Variants in PKHD1L1 observed in about 807,000 individuals in gnomAD.
PKHD1L1 encodes PKHD1 like 1.
Under a neutral mutation model 462.9 loss-of-function variants are expected in PKHD1L1, and 434 were observed. The ratio of observed to expected loss-of-function variants is 0.94; its 90% confidence interval spans 0.87 to 1.02. The LOEUF (loss-of-function observed/expected upper bound fraction) is 1.02. Among genes scored for constraint, PKHD1L1 ranks in the 50% least tolerant of loss-of-function variants. The probability of loss-of-function intolerance (pLI) is 0.00; values close to 1 mark genes in which losing one functional copy is unlikely to be tolerated. For missense variants in PKHD1L1, 5,202 were observed against 5,096.1 expected (o/e 1.02, Z -0.63); for synonymous variants, 1,781 against 1,750.0 (o/e 1.02, Z -0.44).
intron 2 of PKHD1L1, among the ~76,000 whole-genome samples, chr8:109,380,936 A>G (rs1285102871): frequency 6.6e-6 from 1 of 152,134 alleles, no homozygotes; most frequent in Non-Finnish European, 1.5e-5. Context: ...CTCCAGATAT[A>G]GAATCTGGTG....
intron 23 of PKHD1L1, among the ~76,000 whole-genome samples, chr8:109,422,495 A>G (rs1305269789): frequency 6.6e-6 from 1 of 152,158 alleles, no homozygotes; most frequent in East Asian, 1.9e-4. Context: ...GCTTTTGTAT[A>G]CTGGCATTTT....
Position 109,518,188 on chromosome 8 carries a change from A to T in PKHD1L1, c.11711A>T (p.Asp3904Val). 2 of 1,595,982 alleles carry T rather than the reference A, an allele frequency of 1.3e-6. No individual in the cohort carries two copies. The highest frequency in any genetic ancestry group is 2.7e-5 in the African/African-American group (2 of 74,518). The change falls in exon 73 of 78, where the codon GAT becomes GTT. Residue 3904 changes from aspartate (D) to valine (V), a missense_variant. Coordinates refer to ENST00000378402, the MANE Select transcript of PKHD1L1 (RefSeq NM_177531.6). Reference protein sequence around the residue: ...LYKDQFLPNLDSTVLGENYFD... With the variant: ...LYKDQFLPNLVSTVLGENYFD... Reference sequence around the variant, plus strand: ...ATAGACCAATTCCTTCCTAACCTGGATTCCACTGTCCTTGGTGAAAACTAC... The same window carrying T: ...ATAGACCAATTCCTTCCTAACCTGGTTTCCACTGTCCTTGGTGAAAACTAC...
intron 46 of PKHD1L1, among the ~76,000 whole-genome samples, chr8:109,459,345 A>G (rs547920520): frequency 6.6e-6 from 1 of 152,176 alleles, no homozygotes; most frequent in South Asian, 2.1e-4. Flanking sequence ...AATACTTTTT[A>G]TAAGCTAATC....
At chr8:109,490,211 C>T (rs1311628658) in intron 60 of PKHD1L1, among the ~76,000 whole-genome samples, 156 bp downstream of exon 60, 2 of 151,642 alleles carry the variant, frequency 1.3e-5, no homozygotes, top group Non-Finnish European at 2.9e-5. Flanking sequence ...CCTATATAAG[C>T]AGGATTTTAT....
intron 8 of PKHD1L1, among the ~76,000 whole-genome samples, chr8:109,389,961 C>T (rs1178626652): frequency 6.6e-6 from 1 of 151,944 alleles, no homozygotes; most frequent in Non-Finnish European, 1.5e-5. Context: ...ATTCTCAAAG[C>T]TCATACTACT....
chr8:109,419,111 G>T lies in PKHD1L1; in HGVS notation c.2375G>T (p.Cys792Phe), dbSNP rs1194741832. 3 of 1,612,830 alleles carry T rather than the reference G, an allele frequency of 1.9e-6. No individual in the cohort carries two copies. Among genetic ancestry groups the T allele is most frequent in the Non-Finnish European group, 2.5e-6 (3 of 1,179,230 alleles). The part of the protein sequence containing the change: ...FAYGNNWTYT[C>F]IDLLDLVRTK... The stretch of plus-strand genomic sequence containing the variant: ...CCGTATTTCAGCTGGACTTACACTT[G>T]CATAGACCTTCTGGATCTCGTAAGA... The change falls in exon 22 of 78, where the codon TGC (cysteine) becomes TTC (phenylalanine). Residue 792 changes from cysteine (C) to phenylalanine (F), a missense_variant. Physicochemically the swap from Cys to Phe is radical, Grantham distance 205 (BLOSUM62 -2). This residue lies in a region of PKHD1L1 where 4,497 missense variants were observed against 4,336.8 expected (regional missense o/e 1.04). Coordinates refer to ENST00000378402, the MANE Select transcript of PKHD1L1 (RefSeq NM_177531.6).
rs1813525197 is a variant in PKHD1L1 at position 109,406,186 on chromosome 8, A to G, written c.1670-149A>G. On this transcript the variant is annotated intron_variant, in intron 16 of 77. Coordinates refer to ENST00000378402, the MANE Select transcript of PKHD1L1 (RefSeq NM_177531.6). ...ATATTACTGAACTTGAATCAGTTTCAAAATACAATTTCTCTAAGTGATAAC... is the reference window on the plus strand; with the variant it reads ...ATATTACTGAACTTGAATCAGTTTCGAAATACAATTTCTCTAAGTGATAAC... 10 of 655,720 alleles carry G rather than the reference A, an allele frequency of 1.5e-5. No homozygotes were observed. In the South Asian group the frequency reaches 3.9e-4, roughly 26 times the overall value. The allele number at this position is 655,720 out of a possible 1,614,324, so 40.6% of individuals were successfully genotyped here.
At chr8:109,524,391 T>C (rs187528921) in intron 76 of PKHD1L1, among the ~76,000 whole-genome samples, 11 of 152,326 alleles carry the variant, frequency 7.2e-5, no homozygotes, top group African/African-American at 2.4e-4. Flanking sequence ...GTCCCACTGC[T>C]TTCTGGTTTA....
intron 72 of PKHD1L1, 42 bp downstream of exon 72, chr8:109,515,347 T>G (rs779546127): frequency 5.3e-6 from 7 of 1,331,322 alleles, no homozygotes; most frequent in Non-Finnish European, 7.0e-6. Context: ...GAAAATGTAC[T>G]TATTTATAAT....
intron 16 of PKHD1L1, 32 bp from the exon 17 acceptor site, chr8:109,406,303 T>TTGTC: frequency 1.3e-6 from 2 of 1,487,480 alleles, no homozygotes; most frequent in Non-Finnish European, 1.8e-6. Context: ...ACTTTTCTGT[T>TTGTC]TGTTTGTTTG....
At chr8:109,407,990 T>G in intron 17 of PKHD1L1, 59 bp from the exon 18 acceptor site, 2 of 1,199,244 alleles carry the variant, frequency 1.7e-6, no homozygotes, top group Admixed American at 6.1e-5. Flanking sequence ...ATATATAGTT[T>G]TATATATAGG....
In PKHD1L1 at chr8:109,502,898, G is replaced by T. The variant is rs186247469; in HGVS notation, c.10829-1429G>T. 9.5e-4 allele frequency among the ~76,000 whole-genome samples: 144 copies of T among 152,142 alleles called. 1 individual carries two copies. Among genetic ancestry groups the T allele is most frequent in the African/African-American group, 3.0e-3 (123 of 41,418 alleles). On this transcript the variant is annotated intron_variant, in intron 67 of 77. Transcript: ENST00000378402. ...TATTTTTCCCACATTGAGGCAAAAG[G>T]TTCTTCCATATCTCTTGTCAGTTAG... is the stretch of plus-strand genomic sequence containing the variant.
intron 30 of PKHD1L1, 59 bp from the exon 31 acceptor site, chr8:109,438,265 C>T: frequency 1.7e-6 from 2 of 1,197,496 alleles, no homozygotes; most frequent in Non-Finnish European, 2.3e-6. Context: ...TTCTTTTCAT[C>T]CCTTGCATTT....
intron 10 of PKHD1L1, 40 bp downstream of exon 10, chr8:109,394,525 G>A (rs1326059565): frequency 5.4e-6 from 7 of 1,293,984 alleles, no homozygotes; most frequent in African/African-American, 4.5e-5. Flanking sequence ...GGGGTGGTGG[G>A]AAGGCAGTGT....
intron 36 of PKHD1L1, 118 bp from the exon 37 acceptor site, chr8:109,443,557 CA>C: frequency 2.4e-6 from 2 of 841,402 alleles, no homozygotes; most frequent in South Asian, 3.7e-5. Flanking sequence ...TTTTGTTTTT[CA>C]AAAAAGATTT....
In PKHD1L1 at chr8:109,452,261, G is replaced by A. The variant is rs1440482958; in HGVS notation, c.6488G>A (p.Gly2163Asp). 4 of 1,605,002 alleles carry A rather than the reference G, an allele frequency of 2.5e-6. No homozygotes were observed. Among genetic ancestry groups the A allele is most frequent in the South Asian group, 1.1e-5 (1 of 89,488 alleles). The change falls in exon 42 of 78, where the codon GGT becomes GAT. Residue 2163 changes from glycine (G) to aspartate (D), a missense_variant. By Grantham distance (94) the Gly-to-Asp change is moderately conservative. Coordinates refer to ENST00000378402, the MANE Select transcript of PKHD1L1 (RefSeq NM_177531.6). ...GWAPVCVHIRGVGMAKLDNAD... is the reference protein window; with the variant it reads ...GWAPVCVHIRDVGMAKLDNAD... Reference sequence around the variant, plus strand: ...GCTCCAGTTTGTGTCCACATCAGAGGTGTCGGCATGGCCAAACTGGTAATA... The same window carrying A: ...GCTCCAGTTTGTGTCCACATCAGAGATGTCGGCATGGCCAAACTGGTAATA...
intron 57 of PKHD1L1, 149 bp from the exon 58 acceptor site, chr8:109,484,893 TTA>T: frequency 3.6e-6 from 2 of 549,372 alleles, no homozygotes. Context: ...ATATATACCT[TTA>T]GAGACTTCAA....
intron 67 of PKHD1L1, among the ~76,000 whole-genome samples, chr8:109,501,610 C>A (rs73700603): frequency 0.015 from 2,253 of 152,286 alleles, 27 homozygotes; most frequent in Middle Eastern, 0.051. Context: ...TTGGGTCAGA[C>A]ATTATGTAGT....
chr8:109,444,048 TA>T lies in PKHD1L1; in HGVS notation c.4791+149del, dbSNP rs1353225736. ...TCACCCACTTAAAGTGTACAATTCA[TA>T]AACTTTTAGCATAGGCCCAGAGTTG... is the stretch of plus-strand genomic sequence containing the variant. On this transcript the variant is annotated intron_variant, in intron 37 of 77. Transcript: ENST00000378402. The T allele has an allele frequency of 9.4e-5, 69 of 733,110 alleles. 1 individual carries two copies. Among genetic ancestry groups the T allele is most frequent in the Non-Finnish European group, 7.7e-5 (36 of 465,566 alleles). The allele number at this position is 733,110 out of a possible 1,614,324, so 45.4% of individuals were successfully genotyped here.
Sources: gnomAD v4.1 joint callset for allele counts (sites outside exome capture counted in the v4.1 genomes callset) on GRCh38, gnomAD v4.1.1 for gene constraint, gnomAD v4.1.1 regional missense constraint, MANE v1.5 for transcripts, NCBI Gene and HGNC (gene_info 2026-07-23, HGNC 2026-07-21) for gene names.